Variants in RPS6KC1 observed in about 807,000 individuals in gnomAD.
RPS6KC1 encodes ribosomal protein S6 kinase C1, also known as inactive ribosomal protein S6 kinase delta-1.
RPS6KC1 carries 54 observed loss-of-function variants against 103.8 expected under a neutral mutation model. That is an observed-to-expected ratio of 0.52 (90% CI 0.42 to 0.65). The LOEUF is 0.65. RPS6KC1 is among the 30% of genes least tolerant of loss of function. RPS6KC1 has a pLI of 0.00. For synonymous variants in RPS6KC1, 439 were observed against 438.7 expected (o/e 1.00, Z -0.01); for missense variants, 1,151 against 1,253.8 (o/e 0.92, Z 1.24).
At chr1:213,631,780 A>G in the RPS6KC1 span, among the ~76,000 whole-genome samples, 3 of 147,670 alleles carry the variant, frequency 2.0e-5, no homozygotes, top group African/African-American at 4.9e-5. Context: ...AAGTTAAAAT[A>G]TAACATTATT....
the RPS6KC1 span, among the ~76,000 whole-genome samples, chr1:213,545,987 C>T: frequency 6.6e-6 from 1 of 152,100 alleles, no homozygotes; most frequent in East Asian, 1.9e-4. Flanking sequence ...TAATCAGGCC[C>T]AGGGCACTAG....
chr1:213,597,325 TG>T, the RPS6KC1 span, among the ~76,000 whole-genome samples: 1 of 152,178 alleles, frequency 6.6e-6, no homozygotes, highest in Non-Finnish European at 1.5e-5. Flanking sequence ...TGCAGGTTGG[TG>T]TGCAGGGGCG....
chr1:213,082,185 C>T (rs754315449), intron 3 of RPS6KC1, among the ~76,000 whole-genome samples: 8 of 151,696 alleles, frequency 5.3e-5, no homozygotes, highest in Admixed American at 1.3e-4. Context: ...CTTTGGGAGG[C>T]GTAGTCGGGC....
the RPS6KC1 span, among the ~76,000 whole-genome samples, chr1:213,574,119 T>A: frequency 6.6e-6 from 1 of 152,224 alleles, no homozygotes; most frequent in Admixed American, 6.5e-5. Flanking sequence ...CAGGGCAAGT[T>A]AGTATGTCAT....
chr1:213,258,172 G>T (rs747692681), intron 12 of RPS6KC1, among the ~76,000 whole-genome samples: 1 of 151,812 alleles, frequency 6.6e-6, no homozygotes, highest in East Asian at 1.9e-4. Flanking sequence ...TAGTAGAGAC[G>T]GGGTTTTACC....
At chr1:213,073,835 C>G (rs896276002) in intron 2 of RPS6KC1, among the ~76,000 whole-genome samples, 1 of 152,070 alleles carries the variant, frequency 6.6e-6, no homozygotes, top group African/African-American at 2.4e-5. Flanking sequence ...ACCACCACAC[C>G]TGGCTGATTT....
intron 1 of RPS6KC1, among the ~76,000 whole-genome samples, chr1:213,063,021 C>T (rs140051741): frequency 6.6e-6 from 1 of 152,186 alleles, no homozygotes; most frequent in Non-Finnish European, 1.5e-5. Context: ...TCTTTGTTTT[C>T]AGAATAGGCA....
chr1:213,699,197 C>T, the RPS6KC1 span, among the ~76,000 whole-genome samples: 3 of 152,010 alleles, frequency 2.0e-5, no homozygotes, highest in Admixed American at 6.6e-5. Flanking sequence ...CCCCACTTCC[C>T]TCACACCTCA....
At chr1:213,391,006 GTT>G in the RPS6KC1 span, among the ~76,000 whole-genome samples, 1 of 151,854 alleles carries the variant, frequency 6.6e-6, no homozygotes, top group African/African-American at 2.4e-5. Context: ...TATGATTCTA[GTT>G]TTTTTTCCCC....
the RPS6KC1 span, among the ~76,000 whole-genome samples, chr1:213,285,343 A>G: frequency 2.5e-4 from 2 of 8,034 alleles, no homozygotes; most frequent in South Asian, 0.5. Context: ...ATGCTGTCAT[A>G]CTGGGGGGTA....
chr1:213,675,634 T>C, the RPS6KC1 span, among the ~76,000 whole-genome samples: 1 of 152,148 alleles, frequency 6.6e-6, no homozygotes, highest in Admixed American at 6.5e-5. Context: ...CCCAGCACTT[T>C]GGGAGGCTGA....
chr1:213,561,334 T>A, the RPS6KC1 span, among the ~76,000 whole-genome samples: 2 of 151,588 alleles, frequency 1.3e-5, no homozygotes, highest in Admixed American at 6.6e-5. Flanking sequence ...TAATAGCTAA[T>A]TTTTTTTTGA....
At chr1:213,245,307 G>T (rs1020149895) in intron 12 of RPS6KC1, among the ~76,000 whole-genome samples, 8 of 152,084 alleles carry the variant, frequency 5.3e-5, no homozygotes, top group Non-Finnish European at 8.8e-5. Context: ...GTCATAGATT[G>T]TTTAACCACC....
At chr1:213,406,506 G>T in the RPS6KC1 span, among the ~76,000 whole-genome samples, 9 of 152,280 alleles carry the variant, frequency 5.9e-5, no homozygotes, top group South Asian at 1.7e-3. Flanking sequence ...AGGAAAGGTG[G>T]GATGGGAGGC....
the RPS6KC1 span, among the ~76,000 whole-genome samples, chr1:213,521,105 C>CT: frequency 6.6e-6 from 1 of 151,988 alleles, no homozygotes; most frequent in Admixed American, 6.6e-5. Flanking sequence ...AATGATGTAT[C>CT]TTTTCATATT....
chr1:213,428,465 C>A, the RPS6KC1 span, among the ~76,000 whole-genome samples: 90 of 35,040 alleles, frequency 2.6e-3, no homozygotes, highest in African/African-American at 8.5e-3. Flanking sequence ...TTCCTTCTTT[C>A]CTCCCTCCCT....
chr1:213,581,421 G>T, the RPS6KC1 span, among the ~76,000 whole-genome samples: 5 of 152,166 alleles, frequency 3.3e-5, no homozygotes, highest in Admixed American at 1.3e-4. Context: ...TGAAAATTCA[G>T]AAAAATGAGA....
the RPS6KC1 span, among the ~76,000 whole-genome samples, chr1:213,850,449 C>T: frequency 2.0e-5 from 3 of 152,118 alleles, no homozygotes; most frequent in Non-Finnish European, 2.9e-5. Flanking sequence ...GCTGCTTCTC[C>T]GGAGAGGGAG....
chr1:213,629,674 A>C, the RPS6KC1 span, among the ~76,000 whole-genome samples: 1 of 152,154 alleles, frequency 6.6e-6, no homozygotes, highest in African/African-American at 2.4e-5. Flanking sequence ...GTTTCTTCCT[A>C]GCCTCGACGG....
Sources: gnomAD v4.1 joint callset for allele counts (sites outside exome capture counted in the v4.1 genomes callset) on GRCh38, gnomAD v4.1.1 for gene constraint, MANE v1.5 for transcripts, NCBI Gene and HGNC (gene_info 2026-07-23, HGNC 2026-07-21) for gene names.